The following PHTF1 variants were observed in gnomAD, a reference collection of about 807,000 sequenced individuals.
PHTF1 encodes the protein protein PHTF1.
In PHTF1, 88 loss-of-function variants were observed where a neutral mutation model predicts 102.4. The observed-to-expected ratio is 0.86, with a 90% CI of 0.72 to 1.03. The LOEUF (loss-of-function observed/expected upper bound fraction) is 1.03, where lower values mean the gene tolerates loss of function less well. Ranked by LOEUF, PHTF1 falls within the 50% of genes least tolerant of loss-of-function variation. The pLI, the probability that PHTF1 is intolerant of heterozygous loss-of-function variation, is 0.00. For synonymous variants in PHTF1, 289 were observed against 305.2 expected (o/e 0.95, Z 0.55); for missense variants, 814 against 909.5 (o/e 0.89, Z 1.35).
intron 12 of PHTF1, 149 bp downstream of exon 12, chr1:113,706,445 A>G (rs1650191428): frequency 4.0e-6 from 2 of 504,428 alleles, no homozygotes; most frequent in African/African-American, 2.0e-5. Flanking sequence ...AATTACATAT[A>G]TATGTTAATA....
chr1:113,719,889 T>G (rs1262907574), intron 7 of PHTF1, among the ~76,000 whole-genome samples: 1 of 152,158 alleles, frequency 6.6e-6, no homozygotes, highest in East Asian at 1.9e-4. Context: ...TCCACAAGGC[T>G]GGGGAGGCTT....
At chr1:113,750,447 T>A (rs1457628596) in intron 3 of PHTF1, among the ~76,000 whole-genome samples, 1 of 152,172 alleles carries the variant, frequency 6.6e-6, no homozygotes, top group Non-Finnish European at 1.5e-5. Context: ...TGATTTTTGT[T>A]CACTCTAATA....
At chr1:113,705,396 A>G (rs890093279) in intron 13 of PHTF1, among the ~76,000 whole-genome samples, 2 of 152,158 alleles carry the variant, frequency 1.3e-5, no homozygotes, top group African/African-American at 4.8e-5. Flanking sequence ...AGCCGTGATC[A>G]CACCACTACA....
intron 3 of PHTF1, among the ~76,000 whole-genome samples, chr1:113,743,378 C>G (rs989065261): frequency 2.6e-5 from 4 of 152,076 alleles, no homozygotes; most frequent in African/African-American, 9.7e-5. Context: ...CAATAACACA[C>G]AGGGAGCTGT....
At chr1:113,756,945 A>G (rs1436761542) in intron 3 of PHTF1, among the ~76,000 whole-genome samples, 1 of 152,192 alleles carries the variant, frequency 6.6e-6, no homozygotes, top group African/African-American at 2.4e-5. Flanking sequence ...AGGTGAGCAG[A>G]TCACAAGGTC....
chr1:113,753,644 T>C (rs1489457235), intron 3 of PHTF1, among the ~76,000 whole-genome samples: 1 of 151,988 alleles, frequency 6.6e-6, no homozygotes, highest in Admixed American at 6.5e-5. Context: ...CCCAGGCTAG[T>C]CTTGAACTCC....
chr1:113,742,927 G>A (rs1379444833), intron 3 of PHTF1, among the ~76,000 whole-genome samples: 2 of 152,030 alleles, frequency 1.3e-5, no homozygotes, highest in Non-Finnish European at 2.9e-5. Context: ...TCATCCTCCT[G>A]GGCTCAAGCA....
intron 3 of PHTF1, among the ~76,000 whole-genome samples, chr1:113,752,492 C>T: frequency 6.7e-6 from 1 of 148,632 alleles, no homozygotes; most frequent in Admixed American, 6.7e-5. Flanking sequence ...CTCTGCCTCC[C>T]CGGGTTCACG....
In PHTF1 at chr1:113,710,353, T is replaced by G; in HGVS notation, c.1170A>C (p.Pro390=). 6.2e-7 allele frequency: 1 copy of G among 1,614,202 alleles called. No individual in the cohort carries two copies. The highest frequency in any genetic ancestry group is 1.1e-5 in the South Asian group (1 of 91,086). Residue 390 remains proline (P), a synonymous_variant, in exon 11 of 19, where the codon CCA becomes CCC. Transcript: ENST00000369604. ...DMLWDDLLHG[P]ECRSSVTSDS... ...CACTGGTGACAGATGACCGGCACTCTGGGCCATGTAGCAGGTCGTCCCATA... is the reference window on the plus strand; with the variant it reads ...CACTGGTGACAGATGACCGGCACTCGGGGCCATGTAGCAGGTCGTCCCATA...
At position 113,736,638 on chromosome 1, in the gene PHTF1, G is replaced by A. The variant is rs1047179631; in HGVS notation, c.331+1472C>T. On this transcript the variant is annotated intron_variant, in intron 5 of 18. Transcript: ENST00000369604. ...GCGCACACCTGTATCCCAGCTACTCGGGAGGTTGAGGCACGAGAATCACTT... is the reference window on the plus strand; with the variant it reads ...GCGCACACCTGTATCCCAGCTACTCAGGAGGTTGAGGCACGAGAATCACTT... Among the ~76,000 whole-genome samples, 21 of 152,140 alleles carry A rather than the reference G, an allele frequency of 1.4e-4. 1 individual carries two copies. The highest frequency in any genetic ancestry group is 6.2e-4 in the South Asian group (3 of 4,820).
chr1:113,741,334 C>G (rs367632569), intron 3 of PHTF1, among the ~76,000 whole-genome samples: 22 of 152,014 alleles, frequency 1.4e-4, no homozygotes, highest in Non-Finnish European at 2.6e-4. Flanking sequence ...GAAAATGAGG[C>G]AACTCAAGGA....
chr1:113,745,799 T>C (rs900451375), intron 3 of PHTF1, among the ~76,000 whole-genome samples: 1 of 152,204 alleles, frequency 6.6e-6, no homozygotes, highest in Non-Finnish European at 1.5e-5. Flanking sequence ...TGGGACTGTC[T>C]AGTTGCAGAA....
At chr1:113,726,649 G>C in intron 5 of PHTF1, 75 bp from the exon 6 acceptor site, 1 of 947,716 alleles carries the variant, frequency 1.1e-6, no homozygotes, top group South Asian at 2.0e-5. Context: ...TATACAAATT[G>C]TTTCTATAAA....
At chr1:113,743,533 T>C (rs1656745613) in intron 3 of PHTF1, among the ~76,000 whole-genome samples, 1 of 152,226 alleles carries the variant, frequency 6.6e-6, no homozygotes, top group South Asian at 2.1e-4. Flanking sequence ...ATAGTAAATA[T>C]ATAAACCAGT....
intron 3 of PHTF1, among the ~76,000 whole-genome samples, chr1:113,740,211 C>G (rs367938209): frequency 6.6e-6 from 1 of 152,254 alleles, no homozygotes; most frequent in African/African-American, 2.4e-5. Context: ...AAGAATTCCC[C>G]TTTCTCTGCA....
At chr1:113,715,759 G>A (rs1252947907) in intron 7 of PHTF1, among the ~76,000 whole-genome samples, 1 of 143,798 alleles carries the variant, frequency 7.0e-6, no homozygotes, top group Non-Finnish European at 1.5e-5. Flanking sequence ...TTAACAGAGA[G>A]AGTGAAATAA....
chr1:113,741,061 G>T (rs970278586), intron 3 of PHTF1, among the ~76,000 whole-genome samples: 3 of 152,066 alleles, frequency 2.0e-5, no homozygotes, highest in African/African-American at 7.3e-5. Flanking sequence ...AAAATAATTT[G>T]CACATGCTAA....
intron 3 of PHTF1, among the ~76,000 whole-genome samples, chr1:113,752,939 G>A (rs1321614601): frequency 3.3e-5 from 5 of 152,148 alleles, no homozygotes; most frequent in Admixed American, 1.3e-4. Flanking sequence ...GCTTTTCCTA[G>A]ACAACCTTTA....
chr1:113,697,515 T>G lies in PHTF1; in HGVS notation c.*190A>C. Reference sequence around the variant, plus strand: ...GTTTGAAAAGCATGAAAATACAGGTTTTTAGCATGCACACCCAGTTGGAAA... The same window carrying G: ...GTTTGAAAAGCATGAAAATACAGGTGTTTAGCATGCACACCCAGTTGGAAA... On this transcript the variant is annotated 3_prime_UTR_variant, in exon 19 of 19. Coordinates refer to ENST00000369604, the MANE Select transcript of PHTF1 (RefSeq NM_001323043.2). 1 of 538,262 alleles carries G rather than the reference T, an allele frequency of 1.9e-6. No homozygotes were observed. Among genetic ancestry groups the G allele is most frequent in the Non-Finnish European group, 3.4e-6 (1 of 294,382 alleles). The allele number at this position is 538,262 out of a possible 1,614,324, so 33.3% of individuals were successfully genotyped here.
Sources: allele counts gnomAD v4.1 joint callset (sites outside exome capture counted in the v4.1 genomes callset), GRCh38; gene constraint gnomAD v4.1.1; transcripts MANE v1.5; gene names NCBI Gene and HGNC (gene_info 2026-07-23, HGNC 2026-07-21).